CTNNA2: variants seen among roughly 807,000 people sequenced by gnomAD.
CTNNA2 encodes catenin alpha-2.
CTNNA2 carries 42 observed loss-of-function variants against 101.0 expected under a neutral mutation model. The observed-to-expected ratio is 0.42, with a 90% CI of 0.32 to 0.54. The LOEUF is 0.54. CTNNA2 is among the 20% of genes least tolerant of loss of function. The probability of loss-of-function intolerance (pLI) is 0.14; values close to 1 mark genes in which losing one functional copy is unlikely to be tolerated. For synonymous variants in CTNNA2, 450 were observed against 456.4 expected (o/e 0.99, Z 0.18); for missense variants, 871 against 1,223.1 (o/e 0.71, Z 4.29).
chr2:79,571,298 TC>T (rs2103822873), intron 1 of CTNNA2, among the ~76,000 whole-genome samples: 1 of 152,204 alleles, frequency 6.6e-6, no homozygotes, highest in South Asian at 2.1e-4. Flanking sequence ...CTCCCCACCA[TC>T]CCAACCATCT....
chr2:79,474,632 A>G (rs1314709437), intron 4 of CTNNA2, among the ~76,000 whole-genome samples: 1 of 152,202 alleles, frequency 6.6e-6, no homozygotes. Flanking sequence ...AGTAATCATT[A>G]TATTTTAATT....
intron 3 of CTNNA2, among the ~76,000 whole-genome samples, chr2:79,838,196 T>C (rs1042436155): frequency 6.6e-6 from 1 of 152,142 alleles, no homozygotes; most frequent in Non-Finnish European, 1.5e-5. Context: ...TAGTCTTTCA[T>C]TGAGGATTTA....
chr2:80,494,472 A>G (rs988435445), intron 9 of CTNNA2, among the ~76,000 whole-genome samples: 3 of 152,198 alleles, frequency 2.0e-5, no homozygotes, highest in Admixed American at 6.5e-5. Flanking sequence ...ACCTAGTATT[A>G]GATGCATGGT....
intron 7 of CTNNA2, among the ~76,000 whole-genome samples, chr2:80,382,976 A>T (rs1277962072): frequency 6.6e-6 from 1 of 152,168 alleles, no homozygotes; most frequent in African/African-American, 2.4e-5. Context: ...TTTTGCCTTA[A>T]CTACTTTTAT....
intron 4 of CTNNA2, among the ~76,000 whole-genome samples, chr2:79,400,537 G>A (rs532383943): frequency 1.3e-5 from 2 of 151,976 alleles, no homozygotes; most frequent in East Asian, 1.9e-4. Flanking sequence ...CTGCAGATGC[G>A]AACTGTCGAA....
chr2:79,716,100 C>T (rs533838289), intron 2 of CTNNA2, among the ~76,000 whole-genome samples: 53 of 151,690 alleles, frequency 3.5e-4, no homozygotes, highest in African/African-American at 3.9e-4. Context: ...ACCTAGATGA[C>T]GTAGTGAACT....
intron 14 of CTNNA2, chr2:80,586,299 A>G (rs1417846553): frequency 1.3e-5 from 2 of 152,196 alleles, no homozygotes; most frequent in East Asian, 3.9e-4. Flanking sequence ...AGAAGTATAC[A>G]CTTTTCAGTG....
At chr2:79,651,811 C>T (rs1344077965) in intron 2 of CTNNA2, among the ~76,000 whole-genome samples, 153 bp downstream of exon 2, 1 of 152,172 alleles carries the variant, frequency 6.6e-6, no homozygotes, top group Non-Finnish European at 1.5e-5. Flanking sequence ...TATGGGCAAT[C>T]TCATTGCCCT....
At chr2:80,457,899 T>C (rs1439547903) in intron 9 of CTNNA2, among the ~76,000 whole-genome samples, 1 of 152,148 alleles carries the variant, frequency 6.6e-6, no homozygotes, top group Non-Finnish European at 1.5e-5. Flanking sequence ...GCAGAGGAGA[T>C]CGAAAGAGAT....
chr2:79,263,942 C>G (rs1674956431), intron 2 of CTNNA2, among the ~76,000 whole-genome samples: 1 of 152,146 alleles, frequency 6.6e-6, no homozygotes, highest in Non-Finnish European at 1.5e-5. Context: ...CTATACTTTT[C>G]AAAATCAGAA....
chr2:80,115,649 G>T (rs571407619), intron 7 of CTNNA2, among the ~76,000 whole-genome samples: 1 of 152,262 alleles, frequency 6.6e-6, no homozygotes, highest in African/African-American at 2.4e-5. Context: ...CTAAAGATTT[G>T]GGACAGAGGG....
chr2:79,623,839 A>G (rs1264389065), intron 1 of CTNNA2, among the ~76,000 whole-genome samples: 1 of 152,220 alleles, frequency 6.6e-6, no homozygotes, highest in Non-Finnish European at 1.5e-5. Context: ...TAATTTCACC[A>G]TATTTTTACT....
intron 7 of CTNNA2, among the ~76,000 whole-genome samples, chr2:80,326,975 T>C (rs559768769): frequency 4.9e-4 from 75 of 152,272 alleles, no homozygotes; most frequent in African/African-American, 1.5e-3. Flanking sequence ...CTGGTTTCTC[T>C]CTCTAGGTGT....
intron 2 of CTNNA2, among the ~76,000 whole-genome samples, chr2:79,277,780 C>A (rs1331253845): frequency 6.6e-6 from 1 of 152,068 alleles, no homozygotes; most frequent in Non-Finnish European, 1.5e-5. Context: ...ATGGGACCAT[C>A]ATCATTACGT....
chr2:79,725,883 G>A (rs923185624), intron 2 of CTNNA2, among the ~76,000 whole-genome samples: 3 of 152,184 alleles, frequency 2.0e-5, no homozygotes, highest in Non-Finnish European at 2.9e-5. Context: ...CACAGTGAGT[G>A]AATGATGAGA....
chr2:80,043,153 C>A (rs369382980), intron 7 of CTNNA2, among the ~76,000 whole-genome samples: 10 of 71,590 alleles, frequency 1.4e-4, no homozygotes, highest in Non-Finnish European at 5.7e-5. Flanking sequence ...TTCCTTCCTT[C>A]CTTCCTTCCT....
At chr2:79,262,955 G>T (rs759018966) in intron 2 of CTNNA2, among the ~76,000 whole-genome samples, 2 of 152,152 alleles carry the variant, frequency 1.3e-5, no homozygotes, top group Non-Finnish European at 2.9e-5. Flanking sequence ...AGGAGTTAGA[G>T]ACCAGCCTGG....
intron 7 of CTNNA2, among the ~76,000 whole-genome samples, chr2:80,344,978 C>T (rs1672600557): frequency 6.6e-6 from 1 of 152,208 alleles, no homozygotes; most frequent in Non-Finnish European, 1.5e-5. Context: ...TTTCTCACCA[C>T]TTCCGATCAC....
rs35975188 is a variant in CTNNA2 at position 79,743,175 on chromosome 2, T to TA, written c.103-1202dup. Among the ~76,000 whole-genome samples the TA allele has an allele frequency of 5.9e-3, 869 of 147,412 alleles. 11 individuals are homozygous for TA. The highest frequency in any genetic ancestry group is 0.018 in the African/African-American group (724 of 40,764). ...AGAACCTACATTCTTGTGAAGCCGA[T>TA]AAAAAAAAAATACAGCAGTAAACAT... On this transcript the variant is annotated intron_variant, in intron 2 of 18. Coordinates refer to ENST00000402739, the MANE Select transcript of CTNNA2 (RefSeq NM_001282597.3).
Sources: allele counts gnomAD v4.1 joint callset (sites outside exome capture counted in the v4.1 genomes callset), GRCh38; gene constraint gnomAD v4.1.1; transcripts MANE v1.5; gene names NCBI Gene and HGNC (gene_info 2026-07-23, HGNC 2026-07-21).